COL5A1: variants seen among roughly 807,000 people sequenced by gnomAD.
COL5A1 encodes collagen type V alpha 1 chain.
COL5A1 carries 16 observed loss-of-function variants against 263.7 expected under a neutral mutation model. That is an observed-to-expected ratio of 0.06 (90% confidence interval 0.04 to 0.09). The LOEUF is 0.09. COL5A1 is among the 10% of genes least tolerant of loss of function. The probability of loss-of-function intolerance (pLI) is 1.00; values close to 1 mark genes in which losing one functional copy is unlikely to be tolerated. For synonymous variants in COL5A1, 1,012 were observed against 1,004.5 expected (o/e 1.01, Z -0.14); for missense variants, 2,036 against 2,540.5 (o/e 0.80, Z 4.27).
intron 1 of COL5A1, among the ~76,000 whole-genome samples, chr9:134,654,474 G>C (rs1396916171): frequency 3.2e-5 from 4 of 125,356 alleles, no homozygotes; most frequent in South Asian, 3.0e-4. Context: ...CTGGAGGTGT[G>C]TAGGGCTGGA....
At chr9:134,744,513 G>A (rs1835410953) in intron 11 of COL5A1, among the ~76,000 whole-genome samples, 1 of 146,582 alleles carries the variant, frequency 6.8e-6, no homozygotes, top group African/African-American at 2.6e-5. Flanking sequence ...ACACACTCAT[G>A]CACACCCCCA....
At chr9:134,797,854 C>T (rs1198171765) in intron 36 of COL5A1, among the ~76,000 whole-genome samples, 1 of 152,222 alleles carries the variant, frequency 6.6e-6, no homozygotes, top group East Asian at 1.9e-4. Flanking sequence ...AGGTTGGCTT[C>T]ATCCTAATTC....
At chr9:134,778,063 G>A (rs1174532601) in intron 27 of COL5A1, among the ~76,000 whole-genome samples, 1 of 152,210 alleles carries the variant, frequency 6.6e-6, no homozygotes, top group African/African-American at 2.4e-5. Flanking sequence ...AGCCCTTCTT[G>A]GTGGGGTTCT....
Position 134,823,614 on chromosome 9 carries a change from C to T in COL5A1, c.4698+145C>T, listed in dbSNP as rs534454690. ...CCGGGCCTTGTCCCTCGCACGCAGCCGGGGAAATGAGCCACACAGGTCTAT... is the reference window on the plus strand; with the variant it reads ...CCGGGCCTTGTCCCTCGCACGCAGCTGGGGAAATGAGCCACACAGGTCTAT... On this transcript the variant is annotated intron_variant, in intron 61 of 65. Coordinates refer to ENST00000371817, the MANE Select transcript of COL5A1 (RefSeq NM_000093.5). 44 of 802,276 alleles carry T rather than the reference C, an allele frequency of 5.5e-5. No individual in the cohort carries two copies. In the East Asian group the frequency reaches 7.0e-4, roughly 13 times the overall value. The allele number at this position is 802,276 out of a possible 1,614,324, so 49.7% of individuals were successfully genotyped here.
At chr9:134,772,096 C>G (rs535783376) in intron 25 of COL5A1, among the ~76,000 whole-genome samples, 1 of 152,188 alleles carries the variant, frequency 6.6e-6, no homozygotes, top group Non-Finnish European at 1.5e-5. Context: ...TCCTCACCTT[C>G]GCTCAGCTCC....
At chr9:134,731,066 G>A (rs901076800) in intron 7 of COL5A1, among the ~76,000 whole-genome samples, 12 of 152,234 alleles carry the variant, frequency 7.9e-5, no homozygotes, top group Non-Finnish European at 2.9e-5. Flanking sequence ...TTCAGGAGGA[G>A]CCTTGCGTAG....
intron 11 of COL5A1, 48 bp downstream of exon 11, chr9:134,738,856 C>T: frequency 2.0e-6 from 3 of 1,469,748 alleles, no homozygotes; most frequent in Non-Finnish European, 1.9e-6. Flanking sequence ...TGTGGGGCTG[C>T]CCACGCCTCC....
intron 2 of COL5A1, among the ~76,000 whole-genome samples, chr9:134,693,274 G>A (rs1833346380): frequency 6.6e-6 from 1 of 152,078 alleles, no homozygotes; most frequent in Non-Finnish European, 1.5e-5. Context: ...AGTGAGCCGA[G>A]ATCGCGCCAT....
At chr9:134,762,529 C>T (rs557837914) in intron 19 of COL5A1, among the ~76,000 whole-genome samples, 12 of 152,272 alleles carry the variant, frequency 7.9e-5, no homozygotes, top group Middle Eastern at 3.4e-3. Flanking sequence ...GTATCTGCCA[C>T]GCCGTCTTCA....
intron 11 of COL5A1, among the ~76,000 whole-genome samples, chr9:134,739,437 G>T (rs1000746062): frequency 5.9e-5 from 9 of 152,220 alleles, no homozygotes; most frequent in African/African-American, 1.7e-4. Context: ...CTGGACAGCT[G>T]GCTTGTGGGT....
chr9:134,723,502 G>A (rs773509652), intron 4 of COL5A1, among the ~76,000 whole-genome samples: 6 of 152,222 alleles, frequency 3.9e-5, no homozygotes, highest in Non-Finnish European at 8.8e-5. Context: ...TGCACACATA[G>A]GCTCCAGGTC....
intron 25 of COL5A1, among the ~76,000 whole-genome samples, chr9:134,771,916 G>A (rs1036897929): frequency 6.6e-6 from 1 of 152,192 alleles, no homozygotes; most frequent in Admixed American, 6.5e-5. Flanking sequence ...TATCCTGGAA[G>A]TTTGGCTCAC....
rs1385858266 is a variant in COL5A1, at chr9:134,757,732, G to A, written c.1882-511G>A. Among the ~76,000 whole-genome samples, 1 of 152,130 alleles carries A rather than the reference G, an allele frequency of 6.6e-6. No individual in the cohort carries two copies. The highest frequency in any genetic ancestry group is 1.5e-5 in the Non-Finnish European group (1 of 68,034). On this transcript the variant is annotated intron_variant, in intron 17 of 65. Transcript: ENST00000371817. This position sits in a 1 kb window ranked among gnomAD's most constrained non-coding sequence, Gnocchi z 6.2. ...ACCCATGAGACAGGGCCCTGTTCCC[G>A]GGCTCCAGGGCATGCAGAAGAGGGG...
intron 28 of COL5A1, 113 bp downstream of exon 28, chr9:134,780,259 C>T: frequency 1.0e-6 from 1 of 1,002,882 alleles, no homozygotes; most frequent in Non-Finnish European, 1.6e-6. Flanking sequence ...TGGATGTCGC[C>T]TCTGAGTACT....
At chr9:134,691,400 C>T (rs892706805) in intron 2 of COL5A1, among the ~76,000 whole-genome samples, 2 of 152,146 alleles carry the variant, frequency 1.3e-5, no homozygotes, top group Non-Finnish European at 2.9e-5. Flanking sequence ...CAGAAAGAGT[C>T]GGATGGGTCC....
chr9:134,812,464 C>G lies in COL5A1; in HGVS notation c.3706C>G (p.Pro1236Ala), dbSNP rs776103583. The change falls in exon 47 of 66, where the codon CCA (proline) becomes GCA (alanine). Residue 1236 changes from proline to alanine, a missense_variant. Around this residue, in one of 3 missense-constraint regions of COL5A1, gnomAD observed 1,078 missense variants for 1,521.4 expected, o/e 0.71. Transcript: ENST00000371817. ...CTGTTCTCAGGGTTTGCCAGGACCT[C>G]CAGGCGAGAAGGGTGAGACAGGAGA... ...PVGLQGLPGP[P>A]GEKGETGDVG... The G allele has an allele frequency of 6.2e-7, 1 of 1,614,114 alleles. No individual in the cohort carries two copies. The highest frequency in any genetic ancestry group is 1.7e-5 in the Admixed American group (1 of 60,016).
intron 24 of COL5A1, among the ~76,000 whole-genome samples, chr9:134,767,908 CG>C (rs1564446622): frequency 6.6e-6 from 1 of 152,182 alleles, no homozygotes; most frequent in African/African-American, 2.4e-5. Context: ...TGAGAATCCC[CG>C]GGGGGCCTGA....
At chr9:134,715,698 G>T (rs559974392) in intron 4 of COL5A1, among the ~76,000 whole-genome samples, 1 of 152,320 alleles carries the variant, frequency 6.6e-6, no homozygotes, top group African/African-American at 2.4e-5. Flanking sequence ...AGCACATCCT[G>T]CATAGCCCTA....
At position 134,691,149 on chromosome 9, in the gene COL5A1, G is replaced by A. The variant is rs146331857; in HGVS notation, c.277+70G>A. 1,213 of 1,591,100 alleles carry A rather than the reference G, an allele frequency of 7.6e-4. 7 individuals carry two copies. In the African/African-American group the frequency reaches 0.012, roughly 16 times the overall value. On this transcript the variant is annotated intron_variant, in intron 2 of 65. Transcript: ENST00000371817. ...CCTCTGGCCTCCAGCCAGGAGCAGCGCTCAAGCCTGCGTGGTGGCAGAAGC... is the reference window on the plus strand; with the variant it reads ...CCTCTGGCCTCCAGCCAGGAGCAGCACTCAAGCCTGCGTGGTGGCAGAAGC...
Sources: gnomAD v4.1 joint callset for allele counts (sites outside exome capture counted in the v4.1 genomes callset) on GRCh38, gnomAD v4.1.1 for gene constraint, gnomAD v4.1.1 regional missense constraint, Gnocchi (gnomAD v3.1) non-coding constraint, MANE v1.5 for transcripts, NCBI Gene and HGNC (gene_info 2026-07-23, HGNC 2026-07-21) for gene names.